FOXP1: variants seen among roughly 807,000 people sequenced by gnomAD.
The protein encoded by FOXP1 is forkhead box P1, also known as forkhead box protein P1.
FOXP1 carries 15 observed loss-of-function variants against 98.2 expected under a neutral mutation model. The observed-to-expected ratio is 0.15, with a 90% confidence interval of 0.10 to 0.24. FOXP1 has a LOEUF of 0.24. Ranked by LOEUF, FOXP1 falls within the 10% of genes least tolerant of loss-of-function variation. The pLI is 1.00. For missense variants in FOXP1, 633 were observed against 848.5 expected (o/e 0.75, Z 3.15); for synonymous variants, 371 against 314.5 (o/e 1.18, Z -1.90).
At chr3:71,456,140 G>A (rs1300188782) in intron 3 of FOXP1, among the ~76,000 whole-genome samples, 2 of 152,116 alleles carry the variant, frequency 1.3e-5, no homozygotes, top group East Asian at 3.8e-4. Context: ...GTATTTGAGG[G>A]AGGTAGCAAC....
chr3:71,216,702 G>A (rs2064960644), intron 5 of FOXP1, among the ~76,000 whole-genome samples: 2 of 151,882 alleles, frequency 1.3e-5, no homozygotes, highest in Admixed American at 6.6e-5. Context: ...TTTCCTTTGG[G>A]TCCAACAATT....
chr3:71,236,179 A>T (rs1057511439), intron 5 of FOXP1, among the ~76,000 whole-genome samples: 1 of 152,236 alleles, frequency 6.6e-6, no homozygotes, highest in African/African-American at 2.4e-5. Context: ...CTGGGTATAG[A>T]ATAGAAACAT....
intron 5 of FOXP1, among the ~76,000 whole-genome samples, chr3:71,284,690 G>A (rs937377411): frequency 2.0e-5 from 3 of 152,074 alleles, no homozygotes; most frequent in African/African-American, 4.8e-5. Context: ...AAAGGATGAT[G>A]TGGTATACAA....
chr3:71,325,053 A>ATTT lies in FOXP1; in HGVS notation c.-72-25176_-72-25174dup, dbSNP rs71120312. Among the ~76,000 whole-genome samples the ATTT allele has an allele frequency of 2.2e-4, 30 of 136,030 alleles. 1 individual carries two copies. Among genetic ancestry groups the ATTT allele is most frequent in the Middle Eastern group, 3.4e-3 (1 of 294 alleles). 89.2% of individuals were successfully genotyped at this position (136,030 alleles called of 152,430 possible). ...GAGTTGCTGTAGGTATAATCCCTTG[A>ATTT]TTTTTTTTTTTTTTTTTGAGATGTT... is the stretch of plus-strand genomic sequence containing the variant. On this transcript the variant is annotated intron_variant, in intron 4 of 20. Transcript: ENST00000649528.
At chr3:71,222,215 G>T (rs2065453519) in intron 5 of FOXP1, among the ~76,000 whole-genome samples, 1 of 152,050 alleles carries the variant, frequency 6.6e-6, no homozygotes, top group South Asian at 2.1e-4. Context: ...GAGAGGGGCT[G>T]GGGCGGAACC....
intron 3 of FOXP1, among the ~76,000 whole-genome samples, chr3:71,478,568 G>A (rs1560541307): frequency 6.6e-6 from 1 of 152,238 alleles, no homozygotes; most frequent in Non-Finnish European, 1.5e-5. Context: ...CAAAGCTAAT[G>A]AAGGCAATGT....
At chr3:71,201,775 A>G (rs991846121) in intron 5 of FOXP1, among the ~76,000 whole-genome samples, 9 of 152,148 alleles carry the variant, frequency 5.9e-5, no homozygotes, top group African/African-American at 1.4e-4. Context: ...ATATAAAGAA[A>G]AAATCTATAG....
intron 5 of FOXP1, among the ~76,000 whole-genome samples, chr3:71,232,434 C>T (rs1196244612): frequency 2.6e-5 from 4 of 152,182 alleles, no homozygotes; most frequent in African/African-American, 9.7e-5. Flanking sequence ...CATCTGCTAG[C>T]TGTCACTCTA....
chr3:71,411,574 G>A (rs144987215), intron 3 of FOXP1, among the ~76,000 whole-genome samples: 1 of 152,192 alleles, frequency 6.6e-6, no homozygotes, highest in African/African-American at 2.4e-5. Context: ...CACCCGCCCT[G>A]GCCTCCCAAA....
intron 1 of FOXP1, 25 bp downstream of exon 1, chr3:71,583,546 C>G (rs1578286669): frequency 1.3e-5 from 13 of 976,474 alleles, no homozygotes; most frequent in Non-Finnish European, 1.4e-5. Flanking sequence ...AAAAGTGGAG[C>G]AGAAATGGAA....
intron 3 of FOXP1, among the ~76,000 whole-genome samples, chr3:71,443,189 C>T (rs1345714755): frequency 6.6e-6 from 1 of 152,138 alleles, no homozygotes; most frequent in Non-Finnish European, 1.5e-5. Context: ...CCACCACGCC[C>T]GGCCCTTATT....
chr3:71,480,185 T>A lies in FOXP1; in HGVS notation c.-168+13241A>T, dbSNP rs369418115. Among the ~76,000 whole-genome samples the A allele has an allele frequency of 1.3e-4, 20 of 152,188 alleles. No homozygotes were observed. In the East Asian group the frequency reaches 3.9e-3, roughly 29 times the overall value. Reference sequence around the variant, plus strand: ...GCCTGGGTGACAAAGCAAGACTCTGTCTCAAGAAAACAAACAAACAAACAA... The same window carrying A: ...GCCTGGGTGACAAAGCAAGACTCTGACTCAAGAAAACAAACAAACAAACAA... On this transcript the variant is annotated intron_variant, in intron 3 of 20. Coordinates refer to ENST00000649528, the MANE Select transcript of FOXP1 (RefSeq NM_001349338.3).
At chr3:71,200,645 T>C (rs536115941) in intron 5 of FOXP1, among the ~76,000 whole-genome samples, 134 of 152,344 alleles carry the variant, frequency 8.8e-4, no homozygotes, top group Admixed American at 8.2e-3. Context: ...ATTAAGACTT[T>C]AATGTGAAAT....
At chr3:71,078,020 CAG>C (rs1469648330) in intron 7 of FOXP1, among the ~76,000 whole-genome samples, 12 of 152,104 alleles carry the variant, frequency 7.9e-5, no homozygotes, top group Non-Finnish European at 1.3e-4. Flanking sequence ...TTAGTAGAGA[CAG>C]GGTTTCTCCA....
intron 2 of FOXP1, among the ~76,000 whole-genome samples, chr3:71,503,601 GAAA>G (rs368279502): frequency 1.3e-5 from 1 of 75,714 alleles, no homozygotes. Flanking sequence ...ACTCTGTCTC[GAAA>G]AAAAAAAAAA....
chr3:71,553,634 T>C (rs149878363), intron 2 of FOXP1, among the ~76,000 whole-genome samples: 219 of 152,356 alleles, frequency 1.4e-3, no homozygotes, highest in African/African-American at 5.0e-3. Flanking sequence ...TGTGTACATA[T>C]GTATGTTCAT....
intron 3 of FOXP1, among the ~76,000 whole-genome samples, chr3:71,406,524 G>A (rs1298692139): frequency 6.6e-6 from 1 of 151,058 alleles, no homozygotes; most frequent in African/African-American, 2.4e-5. Context: ...TCCTTCTCGT[G>A]ATGCTATCTC....
At chr3:71,520,219 T>C (rs2042879264) in intron 2 of FOXP1, among the ~76,000 whole-genome samples, 1 of 152,228 alleles carries the variant, frequency 6.6e-6, no homozygotes, top group South Asian at 2.1e-4. Context: ...ACTCATAGAC[T>C]TCTGTTTGCC....
chr3:71,214,519 T>C (rs1195299519), intron 5 of FOXP1, among the ~76,000 whole-genome samples: 2 of 152,154 alleles, frequency 1.3e-5, no homozygotes, highest in Admixed American at 1.3e-4. Flanking sequence ...AAGAAACTTT[T>C]GAAAGGGTGT....
Sources: gnomAD v4.1 joint callset for allele counts (sites outside exome capture counted in the v4.1 genomes callset) on GRCh38, gnomAD v4.1.1 for gene constraint, MANE v1.5 for transcripts, NCBI Gene and HGNC (gene_info 2026-07-23, HGNC 2026-07-21) for gene names.